Variants in PTPRM observed in about 807,000 individuals in gnomAD.
The protein encoded by PTPRM is receptor-type tyrosine-protein phosphatase mu.
Under a neutral mutation model 186.7 loss-of-function variants are expected in PTPRM, and 47 were observed. The ratio of observed to expected loss-of-function variants is 0.25; its 90% CI spans 0.20 to 0.32. The LOEUF is 0.32. Ranked by LOEUF, PTPRM falls within the 10% of genes least tolerant of loss-of-function variation. PTPRM has a pLI of 1.00. For missense variants in PTPRM, 1,494 were observed against 1,865.0 expected, an observed-to-expected ratio of 0.80 and a Z score of 3.66; for synonymous variants, 668 against 674.9, an observed-to-expected ratio of 0.99 and a Z score of 0.16.
intron 1 of PTPRM, among the ~76,000 whole-genome samples, chr18:7,619,368 T>A (rs2143951338): frequency 6.6e-6 from 1 of 152,282 alleles, no homozygotes; most frequent in East Asian, 1.9e-4. Flanking sequence ...CACTTGGGAT[T>A]GACTGGGCTT....
intron 1 of PTPRM, among the ~76,000 whole-genome samples, chr18:7,619,124 A>G (rs1485285273): frequency 6.6e-6 from 1 of 152,320 alleles, no homozygotes; most frequent in South Asian, 2.1e-4. Flanking sequence ...AGAAGATGTA[A>G]CATCAAATAG....
At chr18:7,724,892 T>C (rs1433292807) in intron 1 of PTPRM, among the ~76,000 whole-genome samples, 1 of 152,244 alleles carries the variant, frequency 6.6e-6, no homozygotes, top group African/African-American at 2.4e-5. Context: ...TGTATTACAA[T>C]GTTCAGGCTC....
chr18:8,116,769 A>G (rs1407610560), intron 13 of PTPRM, among the ~76,000 whole-genome samples: 2 of 152,188 alleles, frequency 1.3e-5, no homozygotes, highest in African/African-American at 4.8e-5. Flanking sequence ...CATCAGCTAG[A>G]TTTCATCAAT....
chr18:8,211,563 CT>C (rs1178383068), intron 14 of PTPRM, among the ~76,000 whole-genome samples: 6 of 151,476 alleles, frequency 4.0e-5, no homozygotes, highest in Non-Finnish European at 7.4e-5. Context: ...GCCACCACCC[CT>C]GGCTATTTTT....
At chr18:7,994,307 G>T (rs758337227) in intron 7 of PTPRM, among the ~76,000 whole-genome samples, 204 of 150,526 alleles carry the variant, frequency 1.4e-3, no homozygotes, top group Non-Finnish European at 2.3e-3. Flanking sequence ...CCTAACACTG[G>T]TGCACAAGAT....
At chr18:8,316,746 A>G (rs2095311561) in intron 21 of PTPRM, among the ~76,000 whole-genome samples, 1 of 152,200 alleles carries the variant, frequency 6.6e-6, no homozygotes, top group Non-Finnish European at 1.5e-5. Context: ...AGAGAAAACT[A>G]AAGCCGTAAA....
At chr18:8,383,376 A>AG (rs1461132622) in intron 29 of PTPRM, among the ~76,000 whole-genome samples, 2 of 150,188 alleles carry the variant, frequency 1.3e-5, no homozygotes, top group African/African-American at 4.9e-5. Context: ...GAAGTCCCAA[A>AG]GGAAGAGTAA....
chr18:8,300,622 G>A (rs769899555), intron 20 of PTPRM, among the ~76,000 whole-genome samples: 6 of 152,082 alleles, frequency 3.9e-5, no homozygotes, highest in Non-Finnish European at 8.8e-5. Context: ...GCCCACTTCT[G>A]CCCAGGCGGG....
intron 1 of PTPRM, among the ~76,000 whole-genome samples, chr18:7,618,289 T>C (rs2037855186): frequency 6.6e-6 from 1 of 152,194 alleles, no homozygotes; most frequent in Admixed American, 6.5e-5. Flanking sequence ...CTTAGAAAGG[T>C]GTTGTAATCA....
intron 13 of PTPRM, among the ~76,000 whole-genome samples, chr18:8,134,878 G>A (rs2092601891): frequency 6.6e-6 from 1 of 152,116 alleles, no homozygotes. Flanking sequence ...TGAAATAGGA[G>A]TCAGCTTCAC....
intron 1 of PTPRM, among the ~76,000 whole-genome samples, chr18:7,700,850 C>G (rs1023452493): frequency 2.6e-5 from 4 of 151,670 alleles, no homozygotes; most frequent in Admixed American, 1.3e-4. Flanking sequence ...ATTATCTGGA[C>G]ATGGTAGTGT....
chr18:7,988,884 ATC>A (rs1461207435), intron 7 of PTPRM, among the ~76,000 whole-genome samples: 2 of 152,266 alleles, frequency 1.3e-5, no homozygotes, highest in East Asian at 3.9e-4. Context: ...AATGTACAAT[ATC>A]TGTTTGATTT....
At chr18:7,943,453 A>G (rs2052322876) in intron 5 of PTPRM, among the ~76,000 whole-genome samples, 1 of 152,150 alleles carries the variant, frequency 6.6e-6, no homozygotes, top group Non-Finnish European at 1.5e-5. Flanking sequence ...CACCTCTGAC[A>G]AATCAAGATG....
intron 7 of PTPRM, among the ~76,000 whole-genome samples, chr18:8,033,646 CT>C (rs2086140792): frequency 6.6e-6 from 1 of 152,176 alleles, no homozygotes; most frequent in Non-Finnish European, 1.5e-5. Flanking sequence ...GGACCACTGT[CT>C]TATACACAGT....
intron 1 of PTPRM, among the ~76,000 whole-genome samples, chr18:7,637,991 A>G (rs927341481): frequency 1.3e-5 from 2 of 152,336 alleles, no homozygotes; most frequent in East Asian, 3.9e-4. Flanking sequence ...GGAAACAGGT[A>G]GTTAAAGTTC....
At chr18:7,768,723 T>C (rs1272656426) in intron 1 of PTPRM, among the ~76,000 whole-genome samples, 1 of 151,706 alleles carries the variant, frequency 6.6e-6, no homozygotes, top group Non-Finnish European at 1.5e-5. Context: ...CTTGGCTCAC[T>C]GCAACCTCCA....
rs935107544 is a variant in PTPRM at position 8,045,394 on chromosome 18, C to T, written c.1133-24292C>T. ...TTCACAGCAACATTTGTCATAATGG[C>T]CAAAAAGTGGAAACAACATATAGTT... On this transcript the variant is annotated intron_variant, in intron 7 of 32. Transcript: ENST00000580170. Among the ~76,000 whole-genome samples the T allele has an allele frequency of 2.0e-5, 3 of 152,132 alleles. No homozygotes were observed. The Middle Eastern group carries it at 0.01, about 517-fold the overall frequency.
chr18:8,101,886 G>A (rs888702250), intron 11 of PTPRM, among the ~76,000 whole-genome samples: 1 of 152,108 alleles, frequency 6.6e-6, no homozygotes, highest in South Asian at 2.1e-4. Context: ...CTTTGCAGAC[G>A]TGGACTATTC....
At chr18:8,230,084 T>C (rs2094266915) in intron 14 of PTPRM, among the ~76,000 whole-genome samples, 1 of 152,262 alleles carries the variant, frequency 6.6e-6, no homozygotes, top group Non-Finnish European at 1.5e-5. Flanking sequence ...TCCTTCTGTC[T>C]GGTTTCTTTT....
Sources: allele counts gnomAD v4.1 joint callset (sites outside exome capture counted in the v4.1 genomes callset), GRCh38; gene constraint gnomAD v4.1.1; transcripts MANE v1.5; gene names NCBI Gene and HGNC (gene_info 2026-07-23, HGNC 2026-07-21).